ABHD5: variants seen among roughly 807,000 people sequenced by gnomAD.
ABHD5 encodes 1-acylglycerol-3-phosphate O-acyltransferase ABHD5.
A neutral mutation model predicts 44.9 loss-of-function variants in ABHD5; 30 were observed. The ratio of observed to expected loss-of-function variants is 0.67; its 90% confidence interval spans 0.50 to 0.91. The LOEUF is 0.91. Among genes scored for constraint, ABHD5 ranks in the 40% least tolerant of loss-of-function variants. The pLI, the probability that ABHD5 is intolerant of heterozygous loss-of-function variation, is 0.00. For synonymous variants in ABHD5, 167 were observed against 147.0 expected (o/e 1.14, Z -0.99); for missense variants, 399 against 423.4 (o/e 0.94, Z 0.50).
At chr3:43,714,057 G>C (rs2084725042) in intron 4 of ABHD5, among the ~76,000 whole-genome samples, 1 of 151,832 alleles carries the variant, frequency 6.6e-6, no homozygotes, top group Non-Finnish European at 1.5e-5. Context: ...CTAGAAGAAA[G>C]CTTCTGCTCT....
Position 43,718,530 on chromosome 3 carries a change from T to C in ABHD5, c.1048T>C (p.Ter350ArgextTer3), listed in dbSNP as rs758747338. 1 of 1,613,938 alleles carries C rather than the reference T, an allele frequency of 6.2e-7. No homozygotes were observed. The highest frequency in any genetic ancestry group is 1.3e-5 in the African/African-American group (1 of 75,064). The change falls in exon 7 of 7, where the codon TGA (stop) becomes CGA (arginine). Residue 350 changes from the stop codon to arginine (R), a stop_lost. Coordinates refer to ENST00000644371, the MANE Select transcript of ABHD5 (RefSeq NM_016006.6). Reference sequence around the variant, plus strand: ...AAAGGAGATCTGCGACACTGTGGACTGAACACACTGAAGCTCTGATGGGAA... The same window carrying C: ...AAAGGAGATCTGCGACACTGTGGACCGAACACACTGAAGCTCTGATGGGAA... ...KVKEICDTVD[*>R]
chr3:43,694,005 C>G (rs762356242), intron 1 of ABHD5, among the ~76,000 whole-genome samples: 3 of 151,796 alleles, frequency 2.0e-5, no homozygotes, highest in Non-Finnish European at 4.4e-5. Context: ...CTAAACTAAA[C>G]GATATAAAAA....
In ABHD5 at chr3:43,718,846, A is replaced by G. The variant is rs1217088750; in HGVS notation, c.*314A>G. 3.3e-6 allele frequency: 1 copy of G among 300,228 alleles called. No homozygotes were observed. Among genetic ancestry groups the G allele is most frequent in the East Asian group, 7.4e-5 (1 of 13,450 alleles). The allele number at this position is 300,228 out of a possible 1,614,324, so 18.6% of individuals were successfully genotyped here. A position where few individuals can be genotyped will look rare whatever the true frequency, so the allele number is the denominator to read the frequency against. On this transcript the variant is annotated 3_prime_UTR_variant, in exon 7 of 7. Transcript: ENST00000644371. The stretch of plus-strand genomic sequence containing the variant: ...TTTCAGCTGAAAATTTTTTAATCTA[A>G]CTTTGCTAGTTATTTTTATATTGCA...
intron 4 of ABHD5, 25 bp from the exon 5 acceptor site, chr3:43,714,922 A>G: frequency 6.5e-7 from 1 of 1,532,508 alleles, no homozygotes; most frequent in Non-Finnish European, 9.0e-7. Flanking sequence ...TAAAACATGC[A>G]TTTTTTAAAT....
downstream of ABHD5, among the ~76,000 whole-genome samples, chr3:43,726,912 T>G (rs2084881477): frequency 6.6e-6 from 1 of 152,238 alleles, no homozygotes; most frequent in Non-Finnish European, 1.5e-5. Context: ...TTGTGGTTTA[T>G]CGGGCAGTTC....
chr3:43,702,327 T>C lies in ABHD5; in HGVS notation c.246T>C (p.His82=). The change falls in exon 3 of 7, where the codon CAT becomes CAC. Residue 82 remains histidine, a synonymous_variant. Coordinates refer to ENST00000644371, the MANE Select transcript of ABHD5 (RefSeq NM_016006.6). ...ATAAGACTCCACTTGTCCTTCTCCA[T>C]GGTTTTGGAGGAGGTCTTGGGCTCT... The part of the protein sequence containing the change: ...ISNKTPLVLL[H]GFGGGLGLWA... 1 of 1,611,540 alleles carries C rather than the reference T, an allele frequency of 6.2e-7. No homozygotes were observed. The highest frequency in any genetic ancestry group is 8.5e-7 in the Non-Finnish European group (1 of 1,177,822).
chr3:43,696,610 G>A (rs953761376), intron 1 of ABHD5, among the ~76,000 whole-genome samples: 2 of 151,882 alleles, frequency 1.3e-5, no homozygotes, highest in Non-Finnish European at 1.5e-5. Flanking sequence ...TAAGGTATGA[G>A]ACCTTTGAAC....
In ABHD5 at chr3:43,695,743, A is replaced by G. The variant is rs568600053; in HGVS notation, c.48-3533A>G. 3.5e-4 allele frequency among the ~76,000 whole-genome samples: 54 copies of G among 152,280 alleles called. 2 individuals are homozygous for G. Among genetic ancestry groups the G allele is most frequent in the African/African-American group, 1.3e-3 (52 of 41,562 alleles). ...GTATGGAGTATAAGTATGACATAATATTTTTTTAGAAGGATTACGTAAAAA... is the reference window on the plus strand; with the variant it reads ...GTATGGAGTATAAGTATGACATAATGTTTTTTTAGAAGGATTACGTAAAAA... On this transcript the variant is annotated intron_variant, in intron 1 of 6. Coordinates refer to ENST00000644371, the MANE Select transcript of ABHD5 (RefSeq NM_016006.6).
At chr3:43,692,110 T>C (rs188559775) in intron 1 of ABHD5, among the ~76,000 whole-genome samples, 14 of 152,338 alleles carry the variant, frequency 9.2e-5, no homozygotes, top group Admixed American at 3.3e-4. Flanking sequence ...ATATATTTAA[T>C]TTTTTGACGT....
intron 1 of ABHD5, chr3:43,694,819 A>T (rs1361700893): frequency 6.6e-6 from 1 of 152,178 alleles, no homozygotes; most frequent in Non-Finnish European, 1.5e-5. Flanking sequence ...CTTAAGTATC[A>T]TTTATCCAAA....
intron 1 of ABHD5, among the ~76,000 whole-genome samples, chr3:43,692,881 T>G (rs146346728): frequency 3.3e-5 from 5 of 152,310 alleles, no homozygotes; most frequent in Non-Finnish European, 5.9e-5. Context: ...TCCCTACCCT[T>G]AAGACATTTG....
chr3:43,718,286 C>T (rs961590893), intron 6 of ABHD5, among the ~76,000 whole-genome samples, 157 bp from the exon 7 acceptor site: 3 of 152,166 alleles, frequency 2.0e-5, no homozygotes, highest in African/African-American at 4.8e-5. Flanking sequence ...AATGGATATA[C>T]TTAATAGTTA....
At chr3:43,718,160 C>T (rs1170450173) in intron 6 of ABHD5, among the ~76,000 whole-genome samples, 1 of 152,162 alleles carries the variant, frequency 6.6e-6, no homozygotes, top group Non-Finnish European at 1.5e-5. Flanking sequence ...CAAGGCAGCA[C>T]ACTCTCACTT....
At chr3:43,722,737 T>C (rs113920159), downstream of ABHD5, 9 of 152,232 alleles carry the variant, frequency 5.9e-5, no homozygotes, top group Admixed American at 2.0e-4. Context: ...TCAGTAGTTT[T>C]ATTTTTAGCA....
chr3:43,730,949 C>T (rs1030718569), intron 7 of ABHD5, among the ~76,000 whole-genome samples: 1 of 152,188 alleles, frequency 6.6e-6, no homozygotes, highest in African/African-American at 2.4e-5. Context: ...CTGCCTTAGC[C>T]TCCTGAGTAG....
At chr3:43,729,622 A>G (rs1464290026) in intron 7 of ABHD5, among the ~76,000 whole-genome samples, 1 of 152,148 alleles carries the variant, frequency 6.6e-6, no homozygotes, top group Non-Finnish European at 1.5e-5. Context: ...TTGGCCTGCC[A>G]TGTGTTGGAG....
At chr3:43,705,236 G>A (rs566871646) in intron 3 of ABHD5, among the ~76,000 whole-genome samples, 2 of 152,282 alleles carry the variant, frequency 1.3e-5, no homozygotes, top group Middle Eastern at 6.8e-3. Flanking sequence ...AGAGATAAGA[G>A]CTGGTCATGT....
intron 4 of ABHD5, among the ~76,000 whole-genome samples, chr3:43,714,392 C>T (rs780714394): frequency 1.3e-5 from 2 of 152,132 alleles, no homozygotes; most frequent in African/African-American, 4.8e-5. Context: ...CTCGGTCTCC[C>T]AAAGTGCTGG....
chr3:43,705,218 A>C (rs1459198354), intron 3 of ABHD5, among the ~76,000 whole-genome samples: 1 of 152,334 alleles, frequency 6.6e-6, no homozygotes. Context: ...TTTTGCATAG[A>C]AGTATCAAGA....
Sources: gnomAD v4.1 joint callset for allele counts (sites outside exome capture counted in the v4.1 genomes callset) on GRCh38, gnomAD v4.1.1 for gene constraint, MANE v1.5 for transcripts, NCBI Gene and HGNC (gene_info 2026-07-23, HGNC 2026-07-21) for gene names.